Variants in CCDC102B observed in about 807,000 individuals in gnomAD.
CCDC102B encodes coiled-coil domain containing 102B, also known as coiled-coil domain-containing protein 102B.
Under a neutral mutation model 57.4 loss-of-function variants are expected in CCDC102B, and 75 were observed. The ratio of observed to expected loss-of-function variants is 1.31; its 90% CI spans 1.08 to 1.58. The LOEUF is 1.58. Among genes scored for constraint, CCDC102B ranks in the 40% most tolerant of loss-of-function variants. The pLI is 0.00. For missense variants in CCDC102B, 636 were observed against 582.6 expected, an observed-to-expected ratio of 1.09 and a Z score of -0.94; for synonymous variants, 206 against 201.9, an observed-to-expected ratio of 1.02 and a Z score of -0.17.
chr18:68,978,232 A>G (rs977369591), intron 6 of CCDC102B, among the ~76,000 whole-genome samples: 1 of 152,020 alleles, frequency 6.6e-6, no homozygotes, highest in Non-Finnish European at 1.5e-5. Flanking sequence ...TCTTTCTGAA[A>G]CTTCTTTTAA....
intron 2 of CCDC102B, among the ~76,000 whole-genome samples, chr18:68,717,096 T>G (rs79546616): frequency 6.7e-6 from 1 of 149,676 alleles, no homozygotes. Flanking sequence ...AAAAAAAAAT[T>G]AGCCAGATGT....
intron 2 of CCDC102B, among the ~76,000 whole-genome samples, chr18:68,724,012 T>G (rs964364679): frequency 6.6e-6 from 1 of 152,232 alleles, no homozygotes; most frequent in African/African-American, 2.4e-5. Context: ...GAAATCTAGA[T>G]GCAGGTTCCC....
At chr18:68,805,719 G>C (rs778226427) in intron 1 of CCDC102B, among the ~76,000 whole-genome samples, 3 of 152,146 alleles carry the variant, frequency 2.0e-5, no homozygotes, top group African/African-American at 4.8e-5. Flanking sequence ...TAACCAGCCA[G>C]TGAGTGGGTG....
intron 6 of CCDC102B, among the ~76,000 whole-genome samples, chr18:69,006,245 T>C (rs536967076): frequency 6.6e-6 from 1 of 152,268 alleles, no homozygotes; most frequent in South Asian, 2.1e-4. Flanking sequence ...ACATATTCAT[T>C]GGATTATAGT....
chr18:68,931,348 AC>A (rs764564857), intron 6 of CCDC102B, among the ~76,000 whole-genome samples: 11 of 151,954 alleles, frequency 7.2e-5, no homozygotes, highest in Non-Finnish European at 1.2e-4. Flanking sequence ...GACTCAAAAG[AC>A]GTAATGGTAG....
chr18:68,987,966 C>T (rs1009533847), intron 6 of CCDC102B, among the ~76,000 whole-genome samples: 5 of 152,130 alleles, frequency 3.3e-5, no homozygotes, highest in African/African-American at 1.2e-4. Flanking sequence ...TTAGTTCAGC[C>T]GCTGTGGAAA....
rs890606889 is a variant in CCDC102B at position 68,989,850 on chromosome 18, A to T, written c.1264-21084A>T. ...TCCCATTTGTTTCTCTCTTCAGATT[A>T]GCCACTAACCGCTCCGCTATCAGCT... is the stretch of plus-strand genomic sequence containing the variant. On this transcript the variant is annotated intron_variant, in intron 6 of 7. Coordinates refer to ENST00000360242, the MANE Select transcript of CCDC102B (RefSeq NM_024781.3). Among the ~76,000 whole-genome samples, 4 of 152,206 alleles carry T rather than the reference A, an allele frequency of 2.6e-5. No individual in the cohort carries two copies. In the South Asian group the frequency reaches 8.3e-4, roughly 32 times the overall value.
chr18:68,762,021 T>C (rs1202513535), intron 2 of CCDC102B, among the ~76,000 whole-genome samples: 3 of 152,156 alleles, frequency 2.0e-5, no homozygotes, highest in Admixed American at 6.6e-5. Flanking sequence ...CTTGACATTT[T>C]ACCATACGTG....
chr18:68,759,196 A>C (rs1312770293), intron 2 of CCDC102B, among the ~76,000 whole-genome samples: 1 of 152,018 alleles, frequency 6.6e-6, no homozygotes, highest in East Asian at 1.9e-4. Context: ...ATTGGGGAAA[A>C]ATAAAGGAAT....
chr18:68,725,156 C>G (rs2032536310), intron 2 of CCDC102B, among the ~76,000 whole-genome samples: 1 of 152,178 alleles, frequency 6.6e-6, no homozygotes, highest in African/African-American at 2.4e-5. Flanking sequence ...TTTCATGATT[C>G]AGTTATCTCC....
At chr18:68,993,404 G>A (rs1374356936) in intron 6 of CCDC102B, 1 of 152,168 alleles carries the variant, frequency 6.6e-6, no homozygotes, top group Non-Finnish European at 1.5e-5. Context: ...TTCTTTAGAT[G>A]GTTTTAAGAA....
At chr18:68,902,584 G>A (rs911777275) in intron 6 of CCDC102B, among the ~76,000 whole-genome samples, 10 of 152,160 alleles carry the variant, frequency 6.6e-5, no homozygotes, top group Non-Finnish European at 1.5e-4. Flanking sequence ...CCTATCTGCA[G>A]CATGTTTACT....
At chr18:69,010,248 A>C (rs543620987) in intron 6 of CCDC102B, among the ~76,000 whole-genome samples, 398 of 151,302 alleles carry the variant, frequency 2.6e-3, no homozygotes, top group Non-Finnish European at 2.6e-3. Flanking sequence ...GGCCCCAATA[A>C]AGACGTTTTC....
intron 1 of CCDC102B, among the ~76,000 whole-genome samples, chr18:68,799,200 A>G (rs2035752414): frequency 6.6e-6 from 1 of 152,258 alleles, no homozygotes; most frequent in Middle Eastern, 3.4e-3. Context: ...ATTTTAATGA[A>G]AGCAATAAAT....
intron 1 of CCDC102B, among the ~76,000 whole-genome samples, chr18:68,827,029 T>G (rs951888652): frequency 6.6e-6 from 1 of 152,158 alleles, no homozygotes; most frequent in African/African-American, 2.4e-5. Context: ...AGATGGTACA[T>G]TTTTAAGTGT....
intron 2 of CCDC102B, among the ~76,000 whole-genome samples, chr18:68,769,323 T>G (rs2034564159): frequency 6.6e-6 from 1 of 151,630 alleles, no homozygotes; most frequent in Non-Finnish European, 1.5e-5. Flanking sequence ...GGATGAAAGC[T>G]ATTATAAGTA....
intron 7 of CCDC102B, among the ~76,000 whole-genome samples, chr18:69,040,291 G>A (rs1471978531): frequency 2.6e-5 from 4 of 151,676 alleles, no homozygotes; most frequent in African/African-American, 7.3e-5. Context: ...ATGAGTGAAA[G>A]TTATATATAA....
At chr18:68,890,262 G>A (rs1020396329) in intron 5 of CCDC102B, among the ~76,000 whole-genome samples, 3 of 151,530 alleles carry the variant, frequency 2.0e-5, no homozygotes, top group Admixed American at 2.0e-4. Flanking sequence ...TTGAGACAGG[G>A]TCTCATGTTT....
At chr18:68,942,927 G>A (rs2049422910) in intron 6 of CCDC102B, among the ~76,000 whole-genome samples, 1 of 92,372 alleles carries the variant, frequency 1.1e-5, no homozygotes, top group African/African-American at 2.9e-5. Flanking sequence ...CTAGGCAGAG[G>A]TCCCTGCGGC....
Sources: gnomAD v4.1 joint callset for allele counts (sites outside exome capture counted in the v4.1 genomes callset) on GRCh38, gnomAD v4.1.1 for gene constraint, MANE v1.5 for transcripts, NCBI Gene and HGNC (gene_info 2026-07-23, HGNC 2026-07-21) for gene names.